IGFN1: variants seen among roughly 807,000 people sequenced by gnomAD.
The protein encoded by IGFN1 is immunoglobulin like and fibronectin type III domain containing 1, also known as immunoglobulin-like and fibronectin type III domain-containing protein 1.
In IGFN1, 253 loss-of-function variants were observed where a neutral mutation model predicts 289.5. That is an observed-to-expected ratio of 0.87 (90% CI 0.79 to 0.97). The LOEUF (loss-of-function observed/expected upper bound fraction) is 0.97. Among genes scored for constraint, IGFN1 ranks in the 50% least tolerant of loss-of-function variants. The pLI is 0.00. For synonymous variants in IGFN1, 1,706 were observed against 1,788.5 expected, an observed-to-expected ratio of 0.95 and a Z score of 1.16; for missense variants, 4,470 against 4,686.1, an observed-to-expected ratio of 0.95 and a Z score of 1.35.
intron 9 of IGFN1, among the ~76,000 whole-genome samples, chr1:201,202,273 A>C (rs1247801961): frequency 6.6e-6 from 1 of 152,154 alleles, no homozygotes; most frequent in Non-Finnish European, 1.5e-5. Context: ...AGCCAAACTC[A>C]TCCAGCTTCA....
rs76789482 is a variant in IGFN1 at position 201,222,400 on chromosome 1, C to T, written c.10202-339C>T. On this transcript the variant is annotated intron_variant, in intron 19 of 23. Coordinates refer to ENST00000335211, the MANE Select transcript of IGFN1 (RefSeq NM_001164586.2). ...GGTGTGACCTCAGGCAAGTCATTTC[C>T]TGTCTTAGATTGGTGTTTATCTCAT... The T allele has an allele frequency of 5.0e-3, 998 of 200,944 alleles. 11 individuals are homozygous for T. The highest frequency in any genetic ancestry group is 0.022 in the African/African-American group (959 of 43,422). The allele number at this position is 200,944 out of a possible 1,614,324, so 12.4% of individuals were successfully genotyped here.
Position 201,206,317 on chromosome 1 carries a change from A to G in IGFN1, c.1424A>G (p.Asp475Gly), listed in dbSNP as rs865823761. Reference protein sequence around the residue: ...LGRHGYSLMGDKGTADSAWGP... With the variant: ...LGRHGYSLMGGKGTADSAWGP... ...AGACATGGCTACTCCTTGATGGGGG[A>G]CAAAGGGACAGCTGACTCAGCCTGG... is the stretch of plus-strand genomic sequence containing the variant. Residue 475 changes from aspartate to glycine, a missense_variant, in exon 12 of 24, where the codon GAC (aspartate) becomes GGC (glycine). Physicochemically the swap from Asp to Gly is moderately conservative, Grantham distance 94 (BLOSUM62 -1). Transcript: ENST00000335211. The G allele has an allele frequency of 1.4e-5, 21 of 1,550,176 alleles. 1 individual carries two copies. In the Middle Eastern group the frequency reaches 6.7e-4, roughly 49 times the overall value.
In IGFN1 at chr1:201,208,673, A is replaced by G; in HGVS notation, c.3780A>G (p.Gln1260=). Residue 1260 remains glutamine (Q), a synonymous_variant, in exon 12 of 24, where the codon CAA becomes CAG. Transcript: ENST00000335211. ...AGFRDGSGGL[Q]GMGSADGPGC... ...TTAGAGATGGTTCAGGAGGCCTCCA[A>G]GGAATGGGATCAGCAGATGGGCCAG... The G allele has an allele frequency of 6.5e-7, 1 of 1,536,790 alleles. No homozygotes were observed. Among genetic ancestry groups the G allele is most frequent in the Admixed American group, 2.0e-5 (1 of 50,956 alleles).
chr1:201,214,275 G>A lies in IGFN1; in HGVS notation c.8827G>A (p.Gly2943Ser), dbSNP rs765744814. 9 of 1,611,788 alleles carry A rather than the reference G, an allele frequency of 5.6e-6. No individual in the cohort carries two copies. In the South Asian group the frequency reaches 8.8e-5, roughly 16 times the overall value. Residue 2943 changes from glycine (G) to serine (S), a missense_variant, in exon 13 of 24, where the codon GGC becomes AGC. Gly to Ser is a moderately conservative substitution (Grantham distance 56). This residue lies in a region of IGFN1 where 2,218 missense variants were observed against 2,114.1 expected (regional missense o/e 1.05). Transcript: ENST00000335211. Reference sequence around the variant, plus strand: ...TACCCTCACCAGTGACCTGGGACCTGGCACCTGGTTTAAGGATGGCGTCAA... The same window carrying A: ...TACCCTCACCAGTGACCTGGGACCTAGCACCTGGTTTAAGGATGGCGTCAA... ...SCTLTSDLGPGTWFKDGVKLT... is the reference protein window; with the variant it reads ...SCTLTSDLGPSTWFKDGVKLT...
chr1:201,192,251 G>T (rs1476813515), intron 1 of IGFN1, among the ~76,000 whole-genome samples: 1 of 152,214 alleles, frequency 6.6e-6, no homozygotes, highest in Non-Finnish European at 1.5e-5. Flanking sequence ...ATGGGAGAGA[G>T]GAATTTGCTC....
Position 201,209,241 on chromosome 1 carries a change from G to T in IGFN1, c.4348G>T (p.Gly1450Ter). The change falls in exon 12 of 24, where the codon GGA becomes TGA. Residue 1450 changes from glycine (G) to a stop codon, truncating the protein, a stop_gained. Coordinates refer to ENST00000335211, the MANE Select transcript of IGFN1 (RefSeq NM_001164586.2). LOFTEE classifies it high-confidence loss of function. ...AGYRDGLRGS[G>*]EMRSMDEAGY... ...TTATAGGGATGGCTTAAGGGGTTCTGGAGAAATGAGGTCAATGGATGAGGC... is the reference window on the plus strand; with the variant it reads ...TTATAGGGATGGCTTAAGGGGTTCTTGAGAAATGAGGTCAATGGATGAGGC... 6.7e-7 allele frequency: 1 copy of T among 1,484,776 alleles called. No homozygotes were observed. The allele number at this position is 1,484,776 out of a possible 1,614,324, so 92.0% of individuals were successfully genotyped here.
chr1:201,214,334 G>A (rs1316588726), intron 13 of IGFN1, 33 bp downstream of exon 13: 1 of 1,580,844 alleles, frequency 6.3e-7, no homozygotes, highest in Admixed American at 1.7e-5. Context: ...CTCTTTACCA[G>A]TGGGAGGGAC....
Position 201,199,584 on chromosome 1 carries a change from G to A in IGFN1, c.413-25G>A, listed in dbSNP as rs1011998552. ...CCTCAGTCATCCCACCTGGGACTGA[G>A]GCCTCATTCCTGCTCCTTTTTCAGA... is the stretch of plus-strand genomic sequence containing the variant. On this transcript the variant is annotated intron_variant, in intron 6 of 23. Transcript: ENST00000335211. 4.5e-6 allele frequency: 7 copies of A among 1,548,892 alleles called. No homozygotes were observed. The African/African-American group carries it at 6.9e-5, about 15-fold the overall frequency.
Position 201,206,298 on chromosome 1 carries a change from G to A in IGFN1, c.1405G>A (p.Gly469Ser), listed in dbSNP as rs2102332950. ...AGACAGGGATGGCCTTGGCAGACAT[G>A]GCTACTCCTTGATGGGGGACAAAGG... The part of the protein sequence containing the change: ...SPDRDGLGRH[G>S]YSLMGDKGTA... The change falls in exon 12 of 24, where the codon GGC (glycine) becomes AGC (serine). Residue 469 changes from glycine to serine, a missense_variant. Gly to Ser is a moderately conservative substitution (Grantham distance 56). This residue lies in a region of IGFN1 where 2,011 missense variants were observed against 1,953.4 expected (regional missense o/e 1.03). Transcript: ENST00000335211. The A allele has an allele frequency of 6.5e-7, 1 of 1,550,178 alleles. No individual in the cohort carries two copies. Among genetic ancestry groups the A allele is most frequent in the African/African-American group, 1.4e-5 (1 of 73,174 alleles).
At chr1:201,192,966 C>T (rs1462457487) in intron 1 of IGFN1, among the ~76,000 whole-genome samples, 1 of 152,120 alleles carries the variant, frequency 6.6e-6, no homozygotes, top group African/African-American at 2.4e-5. Flanking sequence ...GAGGCCAGGC[C>T]ACCAGCACAG....
intron 8 of IGFN1, among the ~76,000 whole-genome samples, chr1:201,201,136 G>A (rs1283038603): frequency 6.6e-6 from 1 of 152,098 alleles, no homozygotes; most frequent in Non-Finnish European, 1.5e-5. Flanking sequence ...TGGCTACCTG[G>A]TTTACTTCTA....
chr1:201,194,958 G>T (rs1244255002), intron 3 of IGFN1, among the ~76,000 whole-genome samples: 2 of 152,180 alleles, frequency 1.3e-5, no homozygotes, highest in African/African-American at 4.8e-5. Context: ...TGTTCCTGGT[G>T]GGAGGCTGAG....
chr1:201,221,996 T>A, intron 19 of IGFN1: 1 of 361,754 alleles, frequency 2.8e-6, no homozygotes. Context: ...AGAAGGAAAC[T>A]GAGGTTCAAG....
At chr1:201,202,863 C>T (rs1271633047) in intron 9 of IGFN1, among the ~76,000 whole-genome samples, 1 of 151,338 alleles carries the variant, frequency 6.6e-6, no homozygotes, top group Non-Finnish European at 1.5e-5. Flanking sequence ...TCAAGTGATT[C>T]TCCTGCCTCA....
Position 201,200,365 on chromosome 1 carries a change from G to T in IGFN1, c.587G>T (p.Arg196Leu), listed in dbSNP as rs897640928. ...ATCGTCGACTACCGTGGCATGTTGCGCAGGCTGCAGGAGATGAAGAAGGAA... is the reference window on the plus strand; with the variant it reads ...ATCGTCGACTACCGTGGCATGTTGCTCAGGCTGCAGGAGATGAAGAAGGAA... ...YGIVDYRGML[R>L]RLQEMKKEQE... Residue 196 changes from arginine (R) to leucine (L), a missense_variant, in exon 8 of 24, where the codon CGC becomes CTC. Arg to Leu is a moderately radical substitution (Grantham distance 102). Coordinates refer to ENST00000335211, the MANE Select transcript of IGFN1 (RefSeq NM_001164586.2). 1.3e-6 allele frequency: 2 copies of T among 1,551,614 alleles called. No individual in the cohort carries two copies. The highest frequency in any genetic ancestry group is 1.4e-5 in the African/African-American group (1 of 73,050).
chr1:201,195,892 C>A lies in IGFN1; in HGVS notation c.181C>A (p.Arg61Ser). 1 of 1,551,628 alleles carries A rather than the reference C, an allele frequency of 6.4e-7. No homozygotes were observed. Residue 61 changes from arginine (R) to serine (S), a missense_variant, in exon 4 of 24, where the codon CGT (arginine) becomes AGT (serine). Arg to Ser is a moderately radical substitution (Grantham distance 110). Transcript: ENST00000335211. ...CTGTGGGGAGCCCAGGCCCGAGGTGCGTTGGCAGAACTCCAAAGGTGACCT... is the reference window on the plus strand; with the variant it reads ...CTGTGGGGAGCCCAGGCCCGAGGTGAGTTGGCAGAACTCCAAAGGTGACCT... The part of the protein sequence containing the change: ...VVCGEPRPEV[R>S]WQNSKGDLSD...
Position 201,207,000 on chromosome 1 carries a change from G to C in IGFN1, c.2107G>C (p.Ala703Pro), listed in dbSNP as rs1439206584. Residue 703 changes from alanine (A) to proline (P), a missense_variant, in exon 12 of 24, where the codon GCT becomes CCT. Ala to Pro is a conservative substitution (Grantham distance 27, BLOSUM62 -1). Around this residue, in one of 8 missense-constraint regions of IGFN1, gnomAD observed 2,011 missense variants for 1,953.4 expected, o/e 1.03. Transcript: ENST00000335211. The stretch of plus-strand genomic sequence containing the variant: ...CTGGGGTTCTCAGGGAGGTAGAGAT[G>C]CTGACTATGGGGAAGCCAGGGGCTA... ...ESWGSQGGRD[A>P]DYGEARGYWG... 3.3e-6 allele frequency: 5 copies of C among 1,536,368 alleles called. No individual in the cohort carries two copies. In the Admixed American group the frequency reaches 9.8e-5, roughly 30 times the overall value.
chr1:201,228,183 G>T (rs1400322939), intron 23 of IGFN1, among the ~76,000 whole-genome samples: 4 of 152,176 alleles, frequency 2.6e-5, no homozygotes, highest in Admixed American at 6.5e-5. Context: ...AGATGGCATT[G>T]GGGGTGATTA....
chr1:201,191,049 C>T (rs568385570), intron 1 of IGFN1, 142 bp downstream of exon 1: 5 of 152,384 alleles, frequency 3.3e-5, no homozygotes, highest in Admixed American at 6.5e-5. Flanking sequence ...CCCTGGCTGG[C>T]GGATCACACG....
Sources: allele counts gnomAD v4.1 joint callset (sites outside exome capture counted in the v4.1 genomes callset), GRCh38; gene constraint gnomAD v4.1.1; regional missense constraint gnomAD v4.1.1; transcripts MANE v1.5; gene names NCBI Gene and HGNC (gene_info 2026-07-23, HGNC 2026-07-21).